Variants in SLCO2A1 observed in about 807,000 individuals in gnomAD.
SLCO2A1 encodes the protein solute carrier organic anion transporter family member 2A1.
Under a neutral mutation model 71.7 loss-of-function variants are expected in SLCO2A1, and 60 were observed. That is an observed-to-expected ratio of 0.84 (90% CI 0.68 to 1.04). The LOEUF (loss-of-function observed/expected upper bound fraction) is 1.04, where lower values mean the gene tolerates loss of function less well. SLCO2A1 is among the 50% of genes least tolerant of loss of function. The pLI, the probability that SLCO2A1 is intolerant of heterozygous loss-of-function variation, is 0.00. For missense variants in SLCO2A1, 745 were observed against 813.4 expected, an observed-to-expected ratio of 0.92 and a Z score of 1.02; for synonymous variants, 308 against 326.7, an observed-to-expected ratio of 0.94 and a Z score of 0.62.
chr3:134,006,748 C>T (rs7428024), intron 1 of SLCO2A1, among the ~76,000 whole-genome samples: 114,440 of 152,170 alleles, frequency 0.75, 43,783 homozygotes, highest in Non-Finnish European at 0.83. Flanking sequence ...GTTATTTCCA[C>T]GTTTTGGCTA....
intron 3 of SLCO2A1, among the ~76,000 whole-genome samples, chr3:133,968,678 G>T (rs1370904902): frequency 6.6e-6 from 1 of 152,240 alleles, no homozygotes; most frequent in Non-Finnish European, 1.5e-5. Context: ...TTGGCTGAAG[G>T]ATCATTCACA....
rs115375824 is a variant in SLCO2A1 at position 133,969,445 on chromosome 3, A to G, written c.397+4218T>C. ...ATTGCTGCCCAGGCTGGAGTGGAGT[A>G]GCATGATCATAACTCATTAAAGCCT... On this transcript the variant is annotated intron_variant, in intron 3 of 13. Coordinates refer to ENST00000310926, the MANE Select transcript of SLCO2A1 (RefSeq NM_005630.3). 7.3e-3 allele frequency among the ~76,000 whole-genome samples: 1,107 copies of G among 152,242 alleles called. 7 individuals are homozygous for G. Among genetic ancestry groups the G allele is most frequent in the African/African-American group, 0.025 (1,050 of 41,546 alleles).
chr3:133,987,134 C>T (rs866373765), intron 1 of SLCO2A1, among the ~76,000 whole-genome samples: 1 of 115,850 alleles, frequency 8.6e-6, no homozygotes, highest in Non-Finnish European at 1.8e-5. Context: ...ATTCAAAGCC[C>T]CCCCCCCCGC....
intron 1 of SLCO2A1, among the ~76,000 whole-genome samples, chr3:133,999,674 T>G (rs902271244): frequency 2.6e-5 from 4 of 152,104 alleles, no homozygotes; most frequent in Non-Finnish European, 5.9e-5. Context: ...GCTGAGGTTT[T>G]GAAGATGAGG....
rs998983406 is a variant in SLCO2A1, at chr3:133,934,633, G to A, written c.*80C>T. ...TTTAAAAATACAAAAAGGAAATGAC[G>A]TGTTAACATTAGTGAGTATAGGCAG... On this transcript the variant is annotated 3_prime_UTR_variant, in exon 14 of 14. Coordinates refer to ENST00000310926, the MANE Select transcript of SLCO2A1 (RefSeq NM_005630.3). 4.0e-5 allele frequency: 38 copies of A among 956,588 alleles called. No individual in the cohort carries two copies. Among genetic ancestry groups the A allele is most frequent in the Admixed American group, 3.9e-4 (19 of 49,042 alleles). The allele number at this position is 956,588 out of a possible 1,614,324, so 59.3% of individuals were successfully genotyped here.
chr3:133,948,552 A>G lies in SLCO2A1; in HGVS notation c.1089T>C (p.Tyr363=), dbSNP rs151293474. Residue 363 remains tyrosine (Y), a synonymous_variant, in exon 8 of 14, where the codon TAT becomes TAC. Coordinates refer to ENST00000310926, the MANE Select transcript of SLCO2A1 (RefSeq NM_005630.3). ...LEKQYGTSAA[Y]ANFLIGAVNL... The stretch of plus-strand genomic sequence containing the variant: ...TGGGCTCACCAATGAGGAAGTTGGC[A>G]TAGGCTGCTGAGGTGCCATACTGCT... 6.2e-7 allele frequency: 1 copy of G among 1,613,864 alleles called. No individual in the cohort carries two copies. Among genetic ancestry groups the G allele is most frequent in the Admixed American group, 1.7e-5 (1 of 59,992 alleles).
intron 1 of SLCO2A1, among the ~76,000 whole-genome samples, chr3:134,002,331 T>C (rs1198083313): frequency 6.6e-6 from 1 of 152,146 alleles, no homozygotes; most frequent in Non-Finnish European, 1.5e-5. Flanking sequence ...GGACTGAGGT[T>C]CACAGCCCTC....
At chr3:134,018,358 A>C (rs1935504929) in intron 1 of SLCO2A1, among the ~76,000 whole-genome samples, 2 of 152,284 alleles carry the variant, frequency 1.3e-5, no homozygotes, top group South Asian at 4.1e-4. Flanking sequence ...TTGCTCTGGA[A>C]ACTGATTAGT....
At chr3:134,002,657 GC>G (rs557447987) in intron 1 of SLCO2A1, among the ~76,000 whole-genome samples, 3 of 152,244 alleles carry the variant, frequency 2.0e-5, no homozygotes, top group Admixed American at 1.3e-4. Context: ...AGTTTTCTGG[GC>G]CCCACCTCCA....
Position 133,947,383 on chromosome 3 carries a change from A to T in SLCO2A1, c.1168T>A (p.Phe390Ile). 6.2e-7 allele frequency: 1 copy of T among 1,614,134 alleles called. No homozygotes were observed. Residue 390 changes from phenylalanine (F) to isoleucine (I), a missense_variant, in exon 9 of 14, where the codon TTT becomes ATT. Transcript: ENST00000310926. ...MLFGGILMKR[F>I]VFSLQAIPRI... ...GGAATGGCTTGTAGAGAGAAAACAA[A>T]GCGCTTCATGAGGATTCCTCCAAAC...
At chr3:134,027,959 G>A (rs1935732285) in intron 1 of SLCO2A1, among the ~76,000 whole-genome samples, 1 of 152,226 alleles carries the variant, frequency 6.6e-6, no homozygotes, top group African/African-American at 2.4e-5. Context: ...TTAGAGTCAA[G>A]AAAAACTCTT....
intron 1 of SLCO2A1, among the ~76,000 whole-genome samples, chr3:133,981,804 G>A (rs528981063): frequency 9.9e-5 from 15 of 152,098 alleles, no homozygotes; most frequent in Admixed American, 2.0e-4. Flanking sequence ...GTGAAACCCC[G>A]TCTCTACTAA....
intron 1 of SLCO2A1, among the ~76,000 whole-genome samples, chr3:133,980,066 T>C (rs574208751): frequency 7.0e-4 from 107 of 152,288 alleles, no homozygotes; most frequent in Non-Finnish European, 1.3e-3. Context: ...TCTTGGGAGA[T>C]GAACAAGCCC....
intron 1 of SLCO2A1, among the ~76,000 whole-genome samples, chr3:134,021,792 G>C (rs748497907): frequency 6.7e-6 from 1 of 150,268 alleles, no homozygotes; most frequent in Non-Finnish European, 1.5e-5. Flanking sequence ...TAAAAGCCAA[G>C]GTAAATTTAA....
chr3:133,994,575 G>A (rs1275666466), intron 1 of SLCO2A1, among the ~76,000 whole-genome samples: 1 of 152,196 alleles, frequency 6.6e-6, no homozygotes, highest in Non-Finnish European at 1.5e-5. Context: ...CTCCCCACAT[G>A]ATGTTGATGG....
At chr3:133,941,790 C>T (rs1933430330) in intron 11 of SLCO2A1, among the ~76,000 whole-genome samples, 2 of 152,140 alleles carry the variant, frequency 1.3e-5, no homozygotes, top group Admixed American at 1.3e-4. Context: ...TTCCATAGCC[C>T]TCACTCTGAC....
chr3:133,996,406 A>C (rs1486982245), intron 1 of SLCO2A1, among the ~76,000 whole-genome samples: 1 of 152,218 alleles, frequency 6.6e-6, no homozygotes, highest in Non-Finnish European at 1.5e-5. Flanking sequence ...CCATGAGAGC[A>C]GAAGGTAGGA....
intron 3 of SLCO2A1, among the ~76,000 whole-genome samples, chr3:133,972,426 A>C (rs552082680): frequency 2.6e-5 from 4 of 152,162 alleles, no homozygotes; most frequent in African/African-American, 9.7e-5. Flanking sequence ...GGAGTTCCAG[A>C]AAAAAAGGAT....
chr3:133,966,488 G>T (rs535866743), intron 3 of SLCO2A1, among the ~76,000 whole-genome samples: 3 of 152,282 alleles, frequency 2.0e-5, no homozygotes, highest in African/African-American at 7.2e-5. Context: ...TGCAGCCCCA[G>T]GCCAAGAAGA....
Sources: gnomAD v4.1 joint callset for allele counts (sites outside exome capture counted in the v4.1 genomes callset) on GRCh38, gnomAD v4.1.1 for gene constraint, MANE v1.5 for transcripts, NCBI Gene and HGNC (gene_info 2026-07-23, HGNC 2026-07-21) for gene names.